Variants in PLPPR2 observed in about 807,000 individuals in gnomAD.
PLPPR2 encodes the protein phospholipid phosphatase-related protein type 2.
A neutral mutation model predicts 40.3 loss-of-function variants in PLPPR2; 11 were observed. The ratio of observed to expected loss-of-function variants is 0.27; its 90% CI spans 0.17 to 0.45. PLPPR2 has a LOEUF of 0.45. Ranked by LOEUF, PLPPR2 falls within the 20% of genes least tolerant of loss-of-function variation. The pLI is 1.00. For missense variants in PLPPR2, 497 were observed against 640.7 expected, an observed-to-expected ratio of 0.78 and a Z score of 2.42; for synonymous variants, 260 against 290.8, an observed-to-expected ratio of 0.89 and a Z score of 1.08.
rs1968028146 is a variant in PLPPR2, at chr19:11,361,037, G to C, written c.392-180G>C. The stretch of plus-strand genomic sequence containing the variant: ...GGGGCCAGATAATGAGGGTCCCTGG[G>C]GGCAGGAGGCCTCAGAGTACCTTCA... On this transcript the variant is annotated intron_variant, in intron 5 of 9. Coordinates refer to ENST00000688289, the MANE Select transcript of PLPPR2 (RefSeq NM_001393892.1). The surrounding 1 kb of genome is among the most constrained non-coding windows in gnomAD (Gnocchi z 6.3). Among the ~76,000 whole-genome samples the C allele has an allele frequency of 6.6e-6, 1 of 152,018 alleles. No homozygotes were observed. The highest frequency in any genetic ancestry group is 2.1e-4 in the South Asian group (1 of 4,824).
rs1339544786 is a variant in PLPPR2, at chr19:11,363,927, T to C, written c.963+92T>C. ...AAGGAAGTCAGGCAAGAGGTGGGGG[T>C]CTCAGAACCATGGGGAAGTGGAGGG... is the stretch of plus-strand genomic sequence containing the variant. On this transcript the variant is annotated intron_variant, in intron 8 of 9. Coordinates refer to ENST00000688289, the MANE Select transcript of PLPPR2 (RefSeq NM_001393892.1). The surrounding 1 kb of genome is among the most constrained non-coding windows in gnomAD (Gnocchi z 4.8). 1 of 1,464,972 alleles carries C rather than the reference T, an allele frequency of 6.8e-7. No individual in the cohort carries two copies. Among genetic ancestry groups the C allele is most frequent in the Admixed American group, 2.2e-5 (1 of 45,634 alleles). The allele number at this position is 1,464,972 out of a possible 1,614,324, so 90.7% of individuals were successfully genotyped here.
At position 11,364,550 on chromosome 19, in the gene PLPPR2, G is replaced by A; in HGVS notation, c.1219G>A (p.Gly407Ser). The A allele has an allele frequency of 6.5e-7, 1 of 1,536,690 alleles. No homozygotes were observed. Among genetic ancestry groups the A allele is most frequent in the East Asian group, 2.4e-5 (1 of 40,892 alleles). ...SSPGPGGPGG[G>S]GGRGRKLLLP... ...CCCTGGACCTGGGGGGCCAGGCGGG[G>A]GTGGTGGACGTGGCCGGAAGCTGCT... Residue 407 changes from glycine to serine, a missense_variant, in exon 10 of 10, where the codon GGT (glycine) becomes AGT (serine). Gly to Ser is a moderately conservative substitution (Grantham distance 56). Transcript: ENST00000688289. The surrounding 1 kb of genome is among the most constrained non-coding windows in gnomAD (Gnocchi z 5.8).
intron 5 of PLPPR2, among the ~76,000 whole-genome samples, chr19:11,360,489 G>A (rs1308202044): frequency 6.6e-6 from 1 of 151,988 alleles, no homozygotes; most frequent in African/African-American, 2.4e-5. Context: ...GCCATGATGG[G>A]GATGTTAGGA....
Position 11,357,695 on chromosome 19 carries a change from C to G in PLPPR2, c.22C>G (p.Leu8Val). 1 of 1,607,634 alleles carries G rather than the reference C, an allele frequency of 6.2e-7. No individual in the cohort carries two copies. The highest frequency in any genetic ancestry group is 1.3e-5 in the African/African-American group (1 of 74,898). MAGGRPH[L>V]KRSFSIIPCF... ...CACCATGGCGGGAGGGAGACCGCAT[C>G]TGAAGAGGAGTTTCTCCATCATCCC... The change falls in exon 3 of 10, where the codon CTG (leucine) becomes GTG (valine). Residue 8 changes from leucine (L) to valine (V), a missense_variant. Coordinates refer to ENST00000688289, the MANE Select transcript of PLPPR2 (RefSeq NM_001393892.1).
Position 11,355,464 on chromosome 19 carries a change from C to A in PLPPR2, c.-298C>A, listed in dbSNP as rs1263427815. 2 of 152,414 alleles carry A rather than the reference C, an allele frequency of 1.3e-5. No individual in the cohort carries two copies. Among genetic ancestry groups the A allele is most frequent in the Non-Finnish European group, 2.9e-5 (2 of 68,086 alleles). The allele number at this position is 152,414 out of a possible 1,614,324, so 9.4% of individuals were successfully genotyped here. The stretch of plus-strand genomic sequence containing the variant: ...CGGCGCGGCCAGGCCCGGCCGACCG[C>A]GTCTCGGTCTTCGCGTCTGCCAGCC... On this transcript the variant is annotated 5_prime_UTR_variant, in exon 1 of 10. Transcript: ENST00000688289.
chr19:11,355,747 A>G (rs1329755939), intron 1 of PLPPR2, among the ~76,000 whole-genome samples, 175 bp downstream of exon 1: 1 of 151,952 alleles, frequency 6.6e-6, no homozygotes, highest in Admixed American at 6.5e-5. Context: ...CCCCGGGCCG[A>G]GGAGCCAGCA....
Position 11,359,023 on chromosome 19 carries a change from C to CT in PLPPR2, c.67-504dup, listed in dbSNP as rs949366803. Among the ~76,000 whole-genome samples, 1 of 151,292 alleles carries CT rather than the reference C, an allele frequency of 6.6e-6. No individual in the cohort carries two copies. Among genetic ancestry groups the CT allele is most frequent in the South Asian group, 2.1e-4 (1 of 4,774 alleles). ...AGCCACGTTTTAATTTTTTTTCTTTCTTTTTGTCTTTCAGCCATTCCTTTT... is the reference window on the plus strand; with the variant it reads ...AGCCACGTTTTAATTTTTTTTCTTTCTTTTTTGTCTTTCAGCCATTCCTTTT... On this transcript the variant is annotated intron_variant, in intron 3 of 9. Coordinates refer to ENST00000688289, the MANE Select transcript of PLPPR2 (RefSeq NM_001393892.1). This position sits in a 1 kb window ranked among gnomAD's most constrained non-coding sequence, Gnocchi z 5.6.
Position 11,364,826 on chromosome 19 carries a change from G to A in PLPPR2, c.*136G>A. On this transcript the variant is annotated 3_prime_UTR_variant, in exon 10 of 10. Transcript: ENST00000688289. The surrounding 1 kb of genome is among the most constrained non-coding windows in gnomAD (Gnocchi z 5.8). ...CCCAGACATTAGAAGATGGCTAGAAGGACATTTAGGAGACATCTGCCTCTC... is the reference window on the plus strand; with the variant it reads ...CCCAGACATTAGAAGATGGCTAGAAAGACATTTAGGAGACATCTGCCTCTC... 1 of 978,150 alleles carries A rather than the reference G, an allele frequency of 1.0e-6. No individual in the cohort carries two copies. Among genetic ancestry groups the A allele is most frequent in the Non-Finnish European group, 1.5e-6 (1 of 661,756 alleles). The allele number at this position is 978,150 out of a possible 1,614,324, so 60.6% of individuals were successfully genotyped here. A position where few individuals can be genotyped will look rare whatever the true frequency, so the allele number is the denominator to read the frequency against.
rs759216131 is a variant in PLPPR2 at position 11,364,462 on chromosome 19, G to A, written c.1131G>A (p.Thr377=). 40 of 1,508,620 alleles carry A rather than the reference G, an allele frequency of 2.7e-5. No individual in the cohort carries two copies. Among genetic ancestry groups the A allele is most frequent in the Non-Finnish European group, 3.3e-5 (38 of 1,135,204 alleles). 93.5% of individuals were successfully genotyped at this position (1,508,620 alleles called of 1,614,324 possible). A position where few individuals can be genotyped will look rare whatever the true frequency, so the allele number is the denominator to read the frequency against. Residue 377 remains threonine, a synonymous_variant, in exon 10 of 10, where the codon ACG becomes ACA. Transcript: ENST00000688289. The surrounding 1 kb of genome is among the most constrained non-coding windows in gnomAD (Gnocchi z 5.8). ...VPRPRLRSEP[T]PLPLPLPLPA... is the part of the protein sequence containing the mutation. ...GTCCTCGATTGAGGTCTGAGCCGAC[G>A]CCCTTGCCCCTGCCCCTACCCCTGC...
chr19:11,362,522 A>T lies in PLPPR2; in HGVS notation c.673A>T (p.Thr225Ser). 6.2e-7 allele frequency: 1 copy of T among 1,609,894 alleles called. No homozygotes were observed. Among genetic ancestry groups the T allele is most frequent in the South Asian group, 1.1e-5 (1 of 91,060 alleles). Residue 225 changes from threonine (T) to serine (S), a missense_variant, in exon 7 of 10, where the codon ACT becomes TCT. Physicochemically the swap from Thr to Ser is moderately conservative, Grantham distance 58. Transcript: ENST00000688289. This position sits in a 1 kb window ranked among gnomAD's most constrained non-coding sequence, Gnocchi z 5.3. ...GTCCGGCTCCCCGCAGATGTACGTG[A>T]CTCTCGTGTTCCGCGTGAAGGGCTC... ...YAVTYTAMYV[T>S]LVFRVKGSRL...
rs1255664855 is a variant in PLPPR2, at chr19:11,359,966, A to G, written c.391+10A>G. On this transcript the variant is annotated intron_variant, in intron 5 of 9. Coordinates refer to ENST00000688289, the MANE Select transcript of PLPPR2 (RefSeq NM_001393892.1). This position sits in a 1 kb window ranked among gnomAD's most constrained non-coding sequence, Gnocchi z 5.6. The stretch of plus-strand genomic sequence containing the variant: ...CTGGTCCGCTTCCTGGGTGAGAGAC[A>G]TGGCCTGGGGTCAGCCCCATGGTAA... 3.1e-6 allele frequency: 5 copies of G among 1,597,090 alleles called. No homozygotes were observed. The highest frequency in any genetic ancestry group is 1.3e-5 in the African/African-American group (1 of 74,832).
chr19:11,364,296 T>C lies in PLPPR2; in HGVS notation c.1016-51T>C, dbSNP rs1443742611. On this transcript the variant is annotated intron_variant, in intron 9 of 9. Coordinates refer to ENST00000688289, the MANE Select transcript of PLPPR2 (RefSeq NM_001393892.1). This position sits in a 1 kb window ranked among gnomAD's most constrained non-coding sequence, Gnocchi z 5.8. Reference sequence around the variant, plus strand: ...CCCAGAGGTCTCACCTAGGCCTTTATGCTGCCTCCCGAGTTTTCTGATCCC... The same window carrying C: ...CCCAGAGGTCTCACCTAGGCCTTTACGCTGCCTCCCGAGTTTTCTGATCCC... The C allele has an allele frequency of 1.3e-6, 2 of 1,533,726 alleles. No homozygotes were observed. Among genetic ancestry groups the C allele is most frequent in the Admixed American group, 2.1e-5 (1 of 46,718 alleles).
chr19:11,362,711 C>T lies in PLPPR2; in HGVS notation c.840+22C>T, dbSNP rs1283886601. 6.2e-7 allele frequency: 1 copy of T among 1,602,180 alleles called. No homozygotes were observed. Among genetic ancestry groups the T allele is most frequent in the South Asian group, 1.1e-5 (1 of 89,406 alleles). ...TTTGGTGAGTTGCCTCCTCAACCTTCCCAGCATGGAAGACCCTCACCAGCT... is the reference window on the plus strand; with the variant it reads ...TTTGGTGAGTTGCCTCCTCAACCTTTCCAGCATGGAAGACCCTCACCAGCT... On this transcript the variant is annotated intron_variant, in intron 7 of 9. Transcript: ENST00000688289. The surrounding 1 kb of genome is among the most constrained non-coding windows in gnomAD (Gnocchi z 5.3).
Sources: gnomAD v4.1 joint callset for allele counts (sites outside exome capture counted in the v4.1 genomes callset) on GRCh38, gnomAD v4.1.1 for gene constraint, Gnocchi (gnomAD v3.1) non-coding constraint, MANE v1.5 for transcripts, NCBI Gene and HGNC (gene_info 2026-07-23, HGNC 2026-07-21) for gene names.